PSEN2: variants seen among roughly 807,000 people sequenced by gnomAD.
PSEN2 encodes the protein presenilin-2.
Under a neutral mutation model 49.1 loss-of-function variants are expected in PSEN2, and 32 were observed. The ratio of observed to expected loss-of-function variants is 0.65; its 90% CI spans 0.49 to 0.88. The LOEUF (loss-of-function observed/expected upper bound fraction) is 0.88. Ranked by LOEUF, PSEN2 falls within the 40% of genes least tolerant of loss-of-function variation. The pLI, the probability that PSEN2 is intolerant of heterozygous loss-of-function variation, is 0.00. For missense variants in PSEN2, 522 were observed against 586.9 expected (o/e 0.89, Z 1.14); for synonymous variants, 255 against 244.0 (o/e 1.05, Z -0.42).
At chr1:226,874,753 T>A (rs1470329151) in intron 2 of PSEN2, among the ~76,000 whole-genome samples, 1 of 152,262 alleles carries the variant, frequency 6.6e-6, no homozygotes, top group Admixed American at 6.5e-5. Flanking sequence ...ATGCCTGTTC[T>A]GCTTTTTACA....
chr1:226,871,768 T>C (rs1370417078), intron 2 of PSEN2, among the ~76,000 whole-genome samples: 1 of 152,212 alleles, frequency 6.6e-6, no homozygotes, highest in Non-Finnish European at 1.5e-5. Context: ...TTGGCGGTAA[T>C]TGGAGTCTCG....
intron 3 of PSEN2, among the ~76,000 whole-genome samples, chr1:226,879,225 G>A (rs1276876872): frequency 6.6e-6 from 1 of 152,120 alleles, no homozygotes; most frequent in Non-Finnish European, 1.5e-5. Flanking sequence ...CATAGATGAT[G>A]AAGGAACTAA....
chr1:226,878,030 C>T (rs532249514), intron 3 of PSEN2, among the ~76,000 whole-genome samples: 2 of 152,246 alleles, frequency 1.3e-5, no homozygotes, highest in African/African-American at 2.4e-5. Context: ...GTCAGGGAAC[C>T]TCTGCTCACA....
intron 6 of PSEN2, among the ~76,000 whole-genome samples, chr1:226,887,206 TC>T (rs1007093580): frequency 6.6e-6 from 1 of 152,116 alleles, no homozygotes; most frequent in African/African-American, 2.4e-5. Flanking sequence ...CCTTGGAGGT[TC>T]CACGATACAG....
Position 226,890,145 on chromosome 1 carries a change from C to G in PSEN2, c.886+12C>G. On this transcript the variant is annotated intron_variant, in intron 9 of 12. Coordinates refer to ENST00000366783, the MANE Select transcript of PSEN2 (RefSeq NM_000447.3). ...CCTGATATACTCATGTGAGTGAGCC[C>G]CCCGTGCCTCTGCCTGACTCGGGGT... The G allele has an allele frequency of 6.2e-7, 1 of 1,602,334 alleles. No homozygotes were observed.
downstream of PSEN2, chr1:226,898,304 T>C (rs1055259700): frequency 6.6e-6 from 1 of 152,232 alleles, no homozygotes; most frequent in Non-Finnish European, 1.5e-5. Context: ...TTCTACTGTT[T>C]ATATGCTATT....
Position 226,873,465 on chromosome 1 carries a change from G to A in PSEN2, c.-206-1900G>A, listed in dbSNP as rs570569600. ...AGTTTCACTCTTGTTGCCCAGGCTG[G>A]AGTGCGATGGTATGATCTCAGCTAA... On this transcript the variant is annotated intron_variant, in intron 2 of 12. Coordinates refer to ENST00000366783, the MANE Select transcript of PSEN2 (RefSeq NM_000447.3). Among the ~76,000 whole-genome samples the A allele has an allele frequency of 1.2e-4, 19 of 152,178 alleles. No homozygotes were observed. The East Asian group carries it at 3.1e-3, about 25-fold the overall frequency.
At chr1:226,891,886 G>A (rs942398013) in intron 11 of PSEN2, 42 bp downstream of exon 11, 8 of 1,573,708 alleles carry the variant, frequency 5.1e-6, no homozygotes, top group Admixed American at 3.3e-5. Context: ...AGCCTACGGC[G>A]GGAGCGGAGA....
In PSEN2 at chr1:226,895,495, G is replaced by T. The variant is rs766859560; in HGVS notation, c.1263G>T (p.Thr421=). 8.1e-6 allele frequency: 13 copies of T among 1,613,838 alleles called. No homozygotes were observed. In the South Asian group the frequency reaches 1.3e-4, roughly 16 times the overall value. Residue 421 remains threonine (T), a synonymous_variant, in exon 13 of 13, where the codon ACG becomes ACT. Coordinates refer to ENST00000366783, the MANE Select transcript of PSEN2 (RefSeq NM_000447.3). ...KALPALPISI[T]FGLIFYFSTD... ...TGCCCGCCCTCCCCATCTCCATCAC[G>T]TTCGGGCTCATCTTTTACTTCTCCA...
intron 11 of PSEN2, among the ~76,000 whole-genome samples, chr1:226,892,442 G>A (rs998843635): frequency 6.6e-6 from 1 of 152,188 alleles, no homozygotes; most frequent in Non-Finnish European, 1.5e-5. Flanking sequence ...TCATCCTGGC[G>A]TCAGTACACG....
chr1:226,903,376 CAA>C (rs1571981757), intron 12 of PSEN2: 6 of 152,330 alleles, frequency 3.9e-5, no homozygotes, highest in Admixed American at 3.3e-4. Context: ...TTAATTATGA[CAA>C]GAGCACACAC....
At chr1:226,874,014 A>G (rs2102649657) in intron 2 of PSEN2, among the ~76,000 whole-genome samples, 1 of 152,196 alleles carries the variant, frequency 6.6e-6, no homozygotes, top group Non-Finnish European at 1.5e-5. Context: ...ACTCCCCACC[A>G]TGGAGCCAAA....
intron 3 of PSEN2, among the ~76,000 whole-genome samples, chr1:226,879,074 G>A (rs1660812233): frequency 6.6e-6 from 1 of 152,130 alleles, no homozygotes; most frequent in Non-Finnish European, 1.5e-5. Flanking sequence ...GTTTTGCCAT[G>A]TTACCCAGGC....
At chr1:226,888,775 A>G (rs1303490469) in intron 7 of PSEN2, 54 bp from the exon 8 acceptor site, 38 of 1,487,528 alleles carry the variant, frequency 2.6e-5, no homozygotes, top group Non-Finnish European at 2.6e-5. Flanking sequence ...GTAAACTGCT[A>G]GGCTGTAATG....
intron 11 of PSEN2, 94 bp from the exon 12 acceptor site, chr1:226,893,913 G>T: frequency 8.9e-7 from 1 of 1,119,736 alleles, no homozygotes; most frequent in Non-Finnish European, 1.4e-6. Flanking sequence ...GCTGGGCTGG[G>T]CAAGAGCAGC....
intron 2 of PSEN2, among the ~76,000 whole-genome samples, chr1:226,873,271 A>C (rs1660426525): frequency 6.6e-6 from 1 of 152,120 alleles, no homozygotes; most frequent in African/African-American, 2.4e-5. Flanking sequence ...TGAGTGGGAG[A>C]ATGGGCTGCT....
In PSEN2 at chr1:226,891,733, G is replaced by A; in HGVS notation, c.971-10G>A. 2 of 1,609,106 alleles carry A rather than the reference G, an allele frequency of 1.2e-6. No individual in the cohort carries two copies. Among genetic ancestry groups the A allele is most frequent in the Non-Finnish European group, 1.7e-6 (2 of 1,175,522 alleles). ...GTGATGACGGACATCTTCTCTTCCT[G>A]GACACCCAGAAGAAGACTCCTATGA... On this transcript the variant is annotated splice_polypyrimidine_tract_variant and intron_variant, in intron 10 of 12. Transcript: ENST00000366783.
At chr1:226,881,833 C>T (rs1361686718) in intron 3 of PSEN2, 55 bp from the exon 4 acceptor site, 1 of 1,610,064 alleles carries the variant, frequency 6.2e-7, no homozygotes, top group African/African-American at 1.3e-5. Context: ...CTGAGTCCTC[C>T]ACTGCCTTTG....
Position 226,891,288 on chromosome 1 carries a change from G to A in PSEN2, c.897G>A (p.Val299=), listed in dbSNP as rs1186836206. The stretch of plus-strand genomic sequence containing the variant: ...TTTCTCCTCCCCCAGCTGCCATGGT[G>A]TGGACGGTTGGCATGGCGAAGCTGG... ...FPALIYSSAM[V]WTVGMAKLDP... is the part of the protein sequence containing the mutation. The change falls in exon 10 of 13, where the codon GTG becomes GTA. Residue 299 remains valine (V), a synonymous_variant. Transcript: ENST00000366783. 6.2e-7 allele frequency: 1 copy of A among 1,613,896 alleles called. No individual in the cohort carries two copies. The highest frequency in any genetic ancestry group is 1.1e-5 in the South Asian group (1 of 90,982).
Sources: allele counts gnomAD v4.1 joint callset (sites outside exome capture counted in the v4.1 genomes callset), GRCh38; gene constraint gnomAD v4.1.1; transcripts MANE v1.5; gene names NCBI Gene and HGNC (gene_info 2026-07-23, HGNC 2026-07-21).